Variants in GRID2 observed in about 807,000 individuals in gnomAD.
GRID2 encodes glutamate ionotropic receptor delta type subunit 2.
A neutral mutation model predicts 114.8 loss-of-function variants in GRID2; 33 were observed. The ratio of observed to expected loss-of-function variants is 0.29; its 90% CI spans 0.22 to 0.38. The LOEUF (loss-of-function observed/expected upper bound fraction) is 0.38, where lower values mean the gene tolerates loss of function less well. Among genes scored for constraint, GRID2 ranks in the 10% least tolerant of loss-of-function variants. GRID2 has a pLI of 1.00. For synonymous variants in GRID2, 505 were observed against 449.9 expected (o/e 1.12, Z -1.55); for missense variants, 1,184 against 1,257.7 (o/e 0.94, Z 0.89).
At chr4:93,603,184 T>A (rs564713576) in intron 13 of GRID2, among the ~76,000 whole-genome samples, 1 of 151,692 alleles carries the variant, frequency 6.6e-6, no homozygotes, top group East Asian at 1.9e-4. Flanking sequence ...CACTCCAGCC[T>A]AGGGGACAAA....
intron 14 of GRID2, among the ~76,000 whole-genome samples, chr4:93,728,451 A>G (rs1157022757): frequency 6.6e-6 from 1 of 152,110 alleles, no homozygotes; most frequent in Non-Finnish European, 1.5e-5. Context: ...GCTGAAAAAA[A>G]TGTATATTCT....
intron 2 of GRID2, among the ~76,000 whole-genome samples, chr4:92,819,280 T>A (rs1344453186): frequency 1.3e-5 from 2 of 152,026 alleles, no homozygotes; most frequent in Admixed American, 1.3e-4. Flanking sequence ...ATCACAAATC[T>A]CCACCACAGA....
chr4:93,604,083 G>A (rs1026241594), intron 13 of GRID2, among the ~76,000 whole-genome samples: 4 of 152,166 alleles, frequency 2.6e-5, no homozygotes, highest in African/African-American at 9.7e-5. Context: ...TAAGGCCATA[G>A]CTGCCATGTA....
At chr4:92,566,724 A>C (rs1413152824) in intron 1 of GRID2, among the ~76,000 whole-genome samples, 1 of 152,086 alleles carries the variant, frequency 6.6e-6, no homozygotes, top group Non-Finnish European at 1.5e-5. Context: ...AATTGGAAGA[A>C]TTTCTATGTA....
chr4:93,140,160 C>CTTTTTTT lies in GRID2; in HGVS notation c.735+29217_735+29223dup, dbSNP rs10684978. Among the ~76,000 whole-genome samples, 120 of 128,202 alleles carry CTTTTTTT rather than the reference C, an allele frequency of 9.4e-4. 1 individual carries two copies. Among genetic ancestry groups the CTTTTTTT allele is most frequent in the East Asian group, 1.1e-3 (5 of 4,422 alleles). 84.1% of individuals were successfully genotyped at this position (128,202 alleles called of 152,430 possible). On this transcript the variant is annotated intron_variant, in intron 4 of 15. Coordinates refer to ENST00000282020, the MANE Select transcript of GRID2 (RefSeq NM_001510.4). ...CATATCATTTTCTTTCTTTTCTTTT[C>CTTTTTTT]TTTTTTTTTTTTTTTTGAGACTGAG...
chr4:93,147,051 T>A (rs914608270), intron 4 of GRID2, among the ~76,000 whole-genome samples: 1 of 152,166 alleles, frequency 6.6e-6, no homozygotes, highest in African/African-American at 2.4e-5. Context: ...TATGCCATAT[T>A]TTTTGGTTTA....
chr4:93,285,670 G>T (rs930694379), intron 8 of GRID2, among the ~76,000 whole-genome samples: 3 of 151,900 alleles, frequency 2.0e-5, no homozygotes, highest in African/African-American at 4.8e-5. Flanking sequence ...AAAAGCAAAT[G>T]AAGTCTTTAA....
intron 1 of GRID2, among the ~76,000 whole-genome samples, chr4:92,553,420 T>A (rs1726694580): frequency 6.6e-6 from 1 of 152,136 alleles, no homozygotes; most frequent in Non-Finnish European, 1.5e-5. Context: ...TTTGGGTAAG[T>A]CTCTACCTTG....
chr4:92,881,704 T>G (rs1318756073), intron 2 of GRID2, among the ~76,000 whole-genome samples: 1 of 152,156 alleles, frequency 6.6e-6, no homozygotes, highest in Non-Finnish European at 1.5e-5. Context: ...AACATTACTT[T>G]TTAGGTATTG....
At chr4:92,324,827 T>G (rs1034540743) in intron 1 of GRID2, among the ~76,000 whole-genome samples, 1 of 151,946 alleles carries the variant, frequency 6.6e-6, no homozygotes, top group Non-Finnish European at 1.5e-5. Flanking sequence ...TAGTTTGTAA[T>G]TATGTTAAAA....
At chr4:93,267,013 TG>T (rs1459248177) in intron 8 of GRID2, among the ~76,000 whole-genome samples, 18 of 150,680 alleles carry the variant, frequency 1.2e-4, no homozygotes, top group Admixed American at 9.9e-4. Flanking sequence ...TGTTATTTAG[TG>T]TCCACTTGTG....
At chr4:93,758,695 C>T (rs1732964216) in intron 14 of GRID2, among the ~76,000 whole-genome samples, 1 of 151,992 alleles carries the variant, frequency 6.6e-6, no homozygotes, top group East Asian at 1.9e-4. Context: ...TTGTCAGACT[C>T]AAGGATATGA....
intron 12 of GRID2, 60 bp downstream of exon 12, chr4:93,490,837 C>T: frequency 8.6e-7 from 1 of 1,162,336 alleles, no homozygotes; most frequent in African/African-American, 1.5e-5. Context: ...GTGGCCAAAG[C>T]TATCTGAGAA....
At chr4:92,693,311 T>C (rs1734269132) in intron 2 of GRID2, among the ~76,000 whole-genome samples, 1 of 152,164 alleles carries the variant, frequency 6.6e-6, no homozygotes, top group African/African-American at 2.4e-5. Flanking sequence ...ATTTCTTAAC[T>C]GTTACCCCGA....
chr4:93,109,622 C>G (rs1186782106), intron 3 of GRID2, among the ~76,000 whole-genome samples: 5 of 152,004 alleles, frequency 3.3e-5, no homozygotes, highest in Non-Finnish European at 7.4e-5. Context: ...ATTTTGAGAT[C>G]TAGTCTATTC....
intron 2 of GRID2, among the ~76,000 whole-genome samples, chr4:92,688,829 G>A (rs1040861451): frequency 3.3e-5 from 5 of 152,116 alleles, no homozygotes; most frequent in African/African-American, 1.2e-4. Context: ...AATCTTTCTA[G>A]AAGGTTTCCA....
chr4:93,704,854 C>T (rs1357896889), intron 14 of GRID2, among the ~76,000 whole-genome samples: 3 of 152,108 alleles, frequency 2.0e-5, no homozygotes, highest in Non-Finnish European at 2.9e-5. Flanking sequence ...ATTAATCTGT[C>T]GACGGACACT....
chr4:92,928,519 T>A (rs1749997908), intron 2 of GRID2, among the ~76,000 whole-genome samples: 1 of 151,630 alleles, frequency 6.6e-6, no homozygotes, highest in Non-Finnish European at 1.5e-5. Flanking sequence ...GAATATGCTG[T>A]GCCAATGTAG....
chr4:93,461,678 G>C (rs1723754708), intron 11 of GRID2, among the ~76,000 whole-genome samples: 1 of 152,138 alleles, frequency 6.6e-6, no homozygotes, highest in South Asian at 2.1e-4. Flanking sequence ...TGCAAAAGCA[G>C]TATGGTCCAT....
Sources: allele counts gnomAD v4.1 joint callset (sites outside exome capture counted in the v4.1 genomes callset), GRCh38; gene constraint gnomAD v4.1.1; transcripts MANE v1.5; gene names NCBI Gene and HGNC (gene_info 2026-07-23, HGNC 2026-07-21).